HS6ST3: variants seen among roughly 807,000 people sequenced by gnomAD.
HS6ST3 encodes heparan sulfate 6-O-sulfotransferase 3, also known as heparan-sulfate 6-O-sulfotransferase 3.
In HS6ST3, 12 loss-of-function variants were observed where a neutral mutation model predicts 36.7. The observed-to-expected ratio is 0.33, with a 90% confidence interval of 0.21 to 0.53. The LOEUF is 0.53. Among genes scored for constraint, HS6ST3 ranks in the 20% least tolerant of loss-of-function variants. HS6ST3 has a pLI of 0.95. For synonymous variants in HS6ST3, 240 were observed against 257.5 expected, an observed-to-expected ratio of 0.93 and a Z score of 0.65; for missense variants, 584 against 640.9, an observed-to-expected ratio of 0.91 and a Z score of 0.96.
rs974604456 is a variant in HS6ST3, at chr13:96,295,353, CTTG to C, written c.707+203790_707+203792del. Reference sequence around the variant, plus strand: ...TAAATATCAGAATAGAGAAGTGTTTCTTGTTGTTTTTTTTCCAAGTGTCATTGT... The same window carrying C: ...TAAATATCAGAATAGAGAAGTGTTTCTTGTTTTTTTTCCAAGTGTCATTGT... On this transcript the variant is annotated intron_variant, in intron 1 of 1. Transcript: ENST00000376705. 6.6e-5 allele frequency among the ~76,000 whole-genome samples: 10 copies of C among 152,086 alleles called. No homozygotes were observed. The South Asian group carries it at 1.2e-3, about 19-fold the overall frequency.
intron 1 of HS6ST3, among the ~76,000 whole-genome samples, chr13:96,419,493 GTAGA>G (rs1287773491): frequency 6.6e-5 from 10 of 152,322 alleles, no homozygotes; most frequent in East Asian, 1.9e-4. Flanking sequence ...ATAAATGGAG[GTAGA>G]TAGATGGATG....
At chr13:96,238,489 G>A (rs1333740100) in intron 1 of HS6ST3, among the ~76,000 whole-genome samples, 1 of 152,204 alleles carries the variant, frequency 6.6e-6, no homozygotes, top group Non-Finnish European at 1.5e-5. Flanking sequence ...GTGCCTGTCT[G>A]TCTTTTGCAA....
intron 1 of HS6ST3, among the ~76,000 whole-genome samples, chr13:96,160,578 C>G (rs980086601): frequency 3.9e-5 from 6 of 152,164 alleles, no homozygotes; most frequent in African/African-American, 1.4e-4. Flanking sequence ...TTGAATGCTG[C>G]TACCAAGTTT....
intron 1 of HS6ST3, among the ~76,000 whole-genome samples, chr13:96,642,944 C>T (rs879121258): frequency 2.0e-5 from 3 of 151,998 alleles, no homozygotes; most frequent in Admixed American, 1.3e-4. Context: ...TGTGTTTAGG[C>T]TCTCCTTTCT....
chr13:96,310,950 A>G (rs2054938080), intron 1 of HS6ST3, among the ~76,000 whole-genome samples: 1 of 152,082 alleles, frequency 6.6e-6, no homozygotes, highest in South Asian at 2.1e-4. Context: ...TATACCTCTG[A>G]CCACCCCCAT....
At chr13:96,324,775 C>G (rs1273702484) in intron 1 of HS6ST3, among the ~76,000 whole-genome samples, 1 of 152,166 alleles carries the variant, frequency 6.6e-6, no homozygotes, top group Non-Finnish European at 1.5e-5. Flanking sequence ...ATGCCTGGAG[C>G]TATCCAGTAG....
chr13:96,697,993 A>G (rs563185279), intron 1 of HS6ST3, among the ~76,000 whole-genome samples: 40 of 152,058 alleles, frequency 2.6e-4, no homozygotes, highest in African/African-American at 7.5e-4. Flanking sequence ...ATTCTCTGCT[A>G]TTTTCCAGAG....
rs536986628 is a variant in HS6ST3, at chr13:96,281,060, G to A, written c.707+189491G>A. Among the ~76,000 whole-genome samples, 4 of 152,192 alleles carry A rather than the reference G, an allele frequency of 2.6e-5. No homozygotes were observed. In the East Asian group the frequency reaches 7.7e-4, roughly 29 times the overall value. On this transcript the variant is annotated intron_variant, in intron 1 of 1. Transcript: ENST00000376705. ...TCTCGCTCTATCACTAGGCTGGAGT[G>A]CAGTGGCACAATCTCGGCTCACTGC...
intron 1 of HS6ST3, among the ~76,000 whole-genome samples, chr13:96,126,977 T>C (rs1447299971): frequency 6.6e-6 from 1 of 152,186 alleles, no homozygotes; most frequent in Non-Finnish European, 1.5e-5. Context: ...AGGTGATCCC[T>C]ACTTCTTCTG....
chr13:96,620,062 T>A (rs1265870880), intron 1 of HS6ST3, among the ~76,000 whole-genome samples: 1 of 152,194 alleles, frequency 6.6e-6, no homozygotes, highest in Non-Finnish European at 1.5e-5. Flanking sequence ...ATGCTTTGCA[T>A]CTTCTGGAAA....
chr13:96,317,008 T>A (rs2054973356), intron 1 of HS6ST3, among the ~76,000 whole-genome samples: 1 of 152,018 alleles, frequency 6.6e-6, no homozygotes, highest in African/African-American at 2.4e-5. Flanking sequence ...AATGTCAACT[T>A]TTATTTTAGA....
At chr13:96,731,198 C>G (rs775429663) in intron 1 of HS6ST3, among the ~76,000 whole-genome samples, 1 of 152,204 alleles carries the variant, frequency 6.6e-6, no homozygotes, top group Non-Finnish European at 1.5e-5. Flanking sequence ...TTCCTTCTTT[C>G]TAACTATAAA....
At chr13:96,103,593 A>G (rs977015190) in intron 1 of HS6ST3, among the ~76,000 whole-genome samples, 3 of 152,196 alleles carry the variant, frequency 2.0e-5, no homozygotes, top group Non-Finnish European at 4.4e-5. Context: ...GGGTGAGAAA[A>G]TGACTACGAA....
At chr13:96,578,070 C>T (rs1285410585) in intron 1 of HS6ST3, among the ~76,000 whole-genome samples, 1 of 152,200 alleles carries the variant, frequency 6.6e-6, no homozygotes, top group Non-Finnish European at 1.5e-5. Flanking sequence ...CAGCACCACA[C>T]CAAAGTGGAC....
At chr13:96,574,824 T>C (rs1217788939) in intron 1 of HS6ST3, among the ~76,000 whole-genome samples, 2 of 152,122 alleles carry the variant, frequency 1.3e-5, no homozygotes, top group African/African-American at 4.8e-5. Flanking sequence ...TTGGCCACAC[T>C]CTGAAGCTGG....
chr13:96,765,763 G>C (rs1488207463), intron 1 of HS6ST3, among the ~76,000 whole-genome samples: 2 of 151,994 alleles, frequency 1.3e-5, no homozygotes, highest in African/African-American at 4.8e-5. Flanking sequence ...TATAGACTGA[G>C]TTTTAAAGAG....
At chr13:96,118,716 T>C (rs1212654762) in intron 1 of HS6ST3, among the ~76,000 whole-genome samples, 1 of 94,986 alleles carries the variant, frequency 1.1e-5, no homozygotes, top group Non-Finnish European at 2.0e-5. Context: ...TTTTTTTTTT[T>C]TTTTTGAGAC....
At chr13:96,753,092 G>A (rs755588007) in intron 1 of HS6ST3, among the ~76,000 whole-genome samples, 4 of 152,168 alleles carry the variant, frequency 2.6e-5, no homozygotes, top group Non-Finnish European at 5.9e-5. Flanking sequence ...CTCTGTTCAA[G>A]TTCATTGGTG....
At chr13:96,245,039 G>T (rs1291860652) in intron 1 of HS6ST3, among the ~76,000 whole-genome samples, 1 of 152,086 alleles carries the variant, frequency 6.6e-6, no homozygotes, top group African/African-American at 2.4e-5. Context: ...ATTTTACTTC[G>T]TAGCCTACTT....
Sources: gnomAD v4.1 joint callset for allele counts (sites outside exome capture counted in the v4.1 genomes callset) on GRCh38, gnomAD v4.1.1 for gene constraint, MANE v1.5 for transcripts, NCBI Gene and HGNC (gene_info 2026-07-23, HGNC 2026-07-21) for gene names.